EIF5: variants seen among roughly 807,000 people sequenced by gnomAD.
EIF5 encodes eukaryotic translation initiation factor 5.
Under a neutral mutation model 48.3 loss-of-function variants are expected in EIF5, and 10 were observed. The observed-to-expected ratio is 0.21, with a 90% confidence interval of 0.13 to 0.35. The LOEUF is 0.35. EIF5 is among the 10% of genes least tolerant of loss of function. EIF5 has a pLI of 1.00. For missense variants in EIF5, 397 were observed against 533.2 expected (o/e 0.74, Z 2.51); for synonymous variants, 237 against 173.1 (o/e 1.37, Z -2.90).
intron 6 of EIF5, 71 bp downstream of exon 6, chr14:103,337,298 T>G: frequency 7.5e-7 from 1 of 1,330,546 alleles, no homozygotes; most frequent in South Asian, 1.3e-5. Flanking sequence ...AATAGAAGGT[T>G]TTTTTGTAAT....
rs1240782258 is a variant in EIF5 at position 103,340,558 on chromosome 14, T to A, written c.1203T>A (p.Ile401=). ...GGEEEDEDEN[I]EVVYSKAASV... Reference sequence around the variant, plus strand: ...AAGAAGAAGATGAAGATGAGAACATTGAGGTAAACATTGGGGGAGGAGGGT... The same window carrying A: ...AAGAAGAAGATGAAGATGAGAACATAGAGGTAAACATTGGGGGAGGAGGGT... Residue 401 remains isoleucine, a synonymous_variant, in exon 11 of 12, where the codon ATT becomes ATA. Transcript: ENST00000216554. 1 of 1,610,100 alleles carries A rather than the reference T, an allele frequency of 6.2e-7. No homozygotes were observed. Among genetic ancestry groups the A allele is most frequent in the African/African-American group, 1.3e-5 (1 of 74,858 alleles).
At chr14:103,339,858 GT>G in intron 10 of EIF5, 55 bp downstream of exon 10, 1 of 1,563,666 alleles carries the variant, frequency 6.4e-7, no homozygotes, top group Non-Finnish European at 8.6e-7. Flanking sequence ...GGGTTTTTTT[GT>G]TTGGTTGATT....
chr14:103,338,662 A>T, intron 7 of EIF5, 73 bp from the exon 8 acceptor site: 1 of 1,564,588 alleles, frequency 6.4e-7, no homozygotes, highest in Non-Finnish European at 8.6e-7. Flanking sequence ...GATGCCATTA[A>T]CTTGGCAAAA....
At chr14:103,336,928 G>A in intron 5 of EIF5, 79 bp downstream of exon 5, 2 of 1,487,838 alleles carry the variant, frequency 1.3e-6, no homozygotes, top group Non-Finnish European at 1.8e-6. Flanking sequence ...TCCTGAGAAG[G>A]CAGAGCAAAT....
intron 5 of EIF5, 57 bp from the exon 6 acceptor site, chr14:103,337,059 C>A: frequency 6.6e-7 from 1 of 1,510,584 alleles, no homozygotes; most frequent in Non-Finnish European, 9.0e-7. Context: ...TTTAGATGTC[C>A]TCTGATTAGA....
At chr14:103,340,694 C>T (rs2089343042) in intron 11 of EIF5, 133 bp downstream of exon 11, 2 of 1,210,008 alleles carry the variant, frequency 1.7e-6, no homozygotes, top group South Asian at 1.6e-5. Flanking sequence ...CAGTAAAATA[C>T]AGCCTCTCAA....
chr14:103,338,629 C>T, intron 7 of EIF5, 106 bp from the exon 8 acceptor site: 1 of 1,526,920 alleles, frequency 6.5e-7, no homozygotes, highest in African/African-American at 1.4e-5. Flanking sequence ...AAGGTGAACC[C>T]AATTTTGGAT....
chr14:103,339,622 A>C lies in EIF5; in HGVS notation c.907-17A>C. The C allele has an allele frequency of 6.2e-7, 1 of 1,614,062 alleles. No individual in the cohort carries two copies. Among genetic ancestry groups the C allele is most frequent in the Non-Finnish European group, 8.5e-7 (1 of 1,179,978 alleles). Reference sequence around the variant, plus strand: ...ACACATAAAAAAGATTGTTAACACCAAGGTGTCTATTTGCAGTTTTGTCAC... The same window carrying C: ...ACACATAAAAAAGATTGTTAACACCCAGGTGTCTATTTGCAGTTTTGTCAC... On this transcript the variant is annotated splice_polypyrimidine_tract_variant and intron_variant, in intron 9 of 11. Transcript: ENST00000216554.
chr14:103,340,872 C>A, intron 11 of EIF5, 91 bp from the exon 12 acceptor site: 3 of 1,259,066 alleles, frequency 2.4e-6, no homozygotes, highest in South Asian at 1.2e-5. Flanking sequence ...TGCATCTAGG[C>A]AGTTTCCTCC....
At position 103,338,434 on chromosome 14, in the gene EIF5, C is replaced by T; in HGVS notation, c.547C>T (p.Pro183Ser). ...VSSSETPPPP[P>S]PPNEINPPPH... is the part of the protein sequence containing the mutation. ...CAGCAGTGAGACACCACCACCACCA[C>T]CACCACCAAATGAAATTAATCCTCC... The change falls in exon 7 of 12, where the codon CCA becomes TCA. Residue 183 changes from proline (P) to serine (S), a missense_variant. Transcript: ENST00000216554. 1 of 1,591,884 alleles carries T rather than the reference C, an allele frequency of 6.3e-7. No homozygotes were observed. Among genetic ancestry groups the T allele is most frequent in the Non-Finnish European group, 8.6e-7 (1 of 1,168,520 alleles).
chr14:103,339,869 T>G (rs554872948), intron 10 of EIF5, 66 bp downstream of exon 10: 6 of 1,533,880 alleles, frequency 3.9e-6, no homozygotes, highest in East Asian at 2.3e-5. Context: ...TTTGGTTGAT[T>G]GTTTTTGGAG....
rs1217278718 is a variant in EIF5 at position 103,336,574 on chromosome 14, CTT to C, written c.155-102_155-101del. 1.7e-5 allele frequency: 21 copies of C among 1,245,474 alleles called. No individual in the cohort carries two copies. The African/African-American group carries it at 2.5e-4, about 15-fold the overall frequency. The allele number at this position is 1,245,474 out of a possible 1,614,324, so 77.2% of individuals were successfully genotyped here. On this transcript the variant is annotated intron_variant, in intron 4 of 11. Coordinates refer to ENST00000216554, the MANE Select transcript of EIF5 (RefSeq NM_001969.5). Reference sequence around the variant, plus strand: ...CCAGCCTGGGTGACAGAGTGAGACTCTTGTCTCAAAAAAAAAAAAAAAGTGGT... The same window carrying C: ...CCAGCCTGGGTGACAGAGTGAGACTCGTCTCAAAAAAAAAAAAAAAGTGGT...
rs1595367429 is a variant in EIF5 at position 103,343,551 on chromosome 14, A to G, written c.*2499A>G. On this transcript the variant is annotated 3_prime_UTR_variant, in exon 12 of 12. Coordinates refer to ENST00000216554, the MANE Select transcript of EIF5 (RefSeq NM_001969.5). ...CTTAAAAATTTTTAGTGTGGGTCCT[A>G]AAGTTTAGAGATGGGCAAGGAGGTC... 1 of 152,214 alleles carries G rather than the reference A, an allele frequency of 6.6e-6. No individual in the cohort carries two copies. Among genetic ancestry groups the G allele is most frequent in the African/African-American group, 2.4e-5 (1 of 41,462 alleles). The allele number at this position is 152,214 out of a possible 1,614,324, so 9.4% of individuals were successfully genotyped here. A position where few individuals can be genotyped will look rare whatever the true frequency, so the allele number is the denominator to read the frequency against.
chr14:103,339,257 C>T lies in EIF5; in HGVS notation c.830C>T (p.Pro277Leu). 1 of 1,612,278 alleles carries T rather than the reference C, an allele frequency of 6.2e-7. No individual in the cohort carries two copies. The highest frequency in any genetic ancestry group is 8.5e-7 in the Non-Finnish European group (1 of 1,179,574). ...AERLDVKAMG[P>L]LVLTEVLFNE... ...AGACTGGATGTAAAAGCCATGGGCC[C>T]TCTTGTTCTAACTGAAGTTCTTTTT... Residue 277 changes from proline (P) to leucine (L), a missense_variant, in exon 9 of 12, where the codon CCT becomes CTT. Around this residue, in one of 4 missense-constraint regions of EIF5, gnomAD observed 3 missense variants for 18.1 expected, o/e 0.17. Coordinates refer to ENST00000216554, the MANE Select transcript of EIF5 (RefSeq NM_001969.5).
intron 10 of EIF5, 72 bp from the exon 11 acceptor site, chr14:103,340,351 CAGTA>C (rs1252031384): frequency 1.3e-6 from 2 of 1,503,984 alleles, no homozygotes. Context: ...CCCCTCAGCT[CAGTA>C]AGGGGGATTG....
At position 103,335,788 on chromosome 14, in the gene EIF5, C is replaced by T; in HGVS notation, c.-73C>T. 14 of 1,518,464 alleles carry T rather than the reference C, an allele frequency of 9.2e-6. No individual in the cohort carries two copies. Among genetic ancestry groups the T allele is most frequent in the Non-Finnish European group, 1.3e-5 (14 of 1,097,106 alleles). 94.1% of individuals were successfully genotyped at this position (1,518,464 alleles called of 1,614,324 possible). A position where few individuals can be genotyped will look rare whatever the true frequency, so the allele number is the denominator to read the frequency against. ...AGTCGTTTATGTCATCCCTTCTTCTCCAGACAGAAGATACCAAAAAGTTGC... is the reference window on the plus strand; with the variant it reads ...AGTCGTTTATGTCATCCCTTCTTCTTCAGACAGAAGATACCAAAAAGTTGC... On this transcript the variant is annotated 5_prime_UTR_variant, in exon 3 of 12. Transcript: ENST00000216554.
rs1339534949 is a variant in EIF5 at position 103,342,151 on chromosome 14, TC to T, written c.*1100del. 2 of 152,610 alleles carry T rather than the reference TC, an allele frequency of 1.3e-5. No homozygotes were observed. Among genetic ancestry groups the T allele is most frequent in the South Asian group, 2.1e-4 (1 of 4,830 alleles). 9.5% of individuals were successfully genotyped at this position (152,610 alleles called of 1,614,324 possible). ...TTTTCTTTCCTTTTTCTTTTTTTTT[TC>T]TTCCAGAATGTCTTATTTAAAAAGA... On this transcript the variant is annotated 3_prime_UTR_variant, in exon 12 of 12. Coordinates refer to ENST00000216554, the MANE Select transcript of EIF5 (RefSeq NM_001969.5).
chr14:103,336,513 G>A, intron 4 of EIF5, 164 bp from the exon 5 acceptor site: 2 of 697,088 alleles, frequency 2.9e-6, no homozygotes, highest in South Asian at 4.3e-5. Context: ...CCCCGGAAAC[G>A]GAGGTTGCAG....
Position 103,336,025 on chromosome 14 carries a change from A to G in EIF5, c.73-11A>G. ...GGGAAACTGCACAACTAAAATTCTT[A>G]TTTCCTTTAGGTTGAGGGCAAAGGC... is the stretch of plus-strand genomic sequence containing the variant. On this transcript the variant is annotated splice_polypyrimidine_tract_variant and intron_variant, in intron 3 of 11. Coordinates refer to ENST00000216554, the MANE Select transcript of EIF5 (RefSeq NM_001969.5). The G allele has an allele frequency of 6.2e-7, 1 of 1,614,080 alleles. No individual in the cohort carries two copies. Among genetic ancestry groups the G allele is most frequent in the Non-Finnish European group, 8.5e-7 (1 of 1,179,982 alleles).
Sources: gnomAD v4.1 joint callset for allele counts on GRCh38, gnomAD v4.1.1 for gene constraint, gnomAD v4.1.1 regional missense constraint, MANE v1.5 for transcripts, NCBI Gene and HGNC (gene_info 2026-07-23, HGNC 2026-07-21) for gene names.